The following DLG2 variants were observed in gnomAD, a reference collection of about 807,000 sequenced individuals.
The protein encoded by DLG2 is disks large homolog 2.
A neutral mutation model predicts 132.5 loss-of-function variants in DLG2; 45 were observed. The observed-to-expected ratio is 0.34, with a 90% CI of 0.27 to 0.44. The LOEUF (loss-of-function observed/expected upper bound fraction) is 0.44. Among genes scored for constraint, DLG2 ranks in the 20% least tolerant of loss-of-function variants. The probability of loss-of-function intolerance (pLI) is 1.00; values close to 1 mark genes in which losing one functional copy is unlikely to be tolerated. For synonymous variants in DLG2, 424 were observed against 419.6 expected (o/e 1.01, Z -0.13); for missense variants, 1,045 against 1,196.9 (o/e 0.87, Z 1.87).
At chr11:84,085,059 G>A (rs1287230413) in intron 10 of DLG2, among the ~76,000 whole-genome samples, 1 of 152,152 alleles carries the variant, frequency 6.6e-6, no homozygotes, top group Non-Finnish European at 1.5e-5. Context: ...TGTGACAGTA[G>A]CTCTAACATC....
At chr11:84,744,899 A>T (rs1338639668) in intron 6 of DLG2, among the ~76,000 whole-genome samples, 6 of 97,824 alleles carry the variant, frequency 6.1e-5, no homozygotes, top group Non-Finnish European at 1.1e-4. Context: ...GTAAAGGTCT[A>T]AAAAAAAAAA....
intron 7 of DLG2, 103 bp downstream of exon 7, chr11:84,534,467 G>T: frequency 8.2e-7 from 1 of 1,225,712 alleles, no homozygotes; most frequent in Non-Finnish European, 1.2e-6. Context: ...CCTCTATCAT[G>T]TTTTAAAAGA....
chr11:84,107,007 T>TGAGA (rs1308992798), intron 9 of DLG2, among the ~76,000 whole-genome samples: 57 of 30,262 alleles, frequency 1.9e-3, no homozygotes, highest in Middle Eastern at 0.036. Flanking sequence ...TGTGTGTGTG[T>TGAGA]GTGTGTGAGA....
At chr11:84,727,104 G>A (rs1412622868) in intron 6 of DLG2, among the ~76,000 whole-genome samples, 2 of 152,184 alleles carry the variant, frequency 1.3e-5, no homozygotes, top group Non-Finnish European at 2.9e-5. Flanking sequence ...AGATTAATTA[G>A]ATCCTGTTTG....
At chr11:84,792,627 A>T (rs2074021703) in intron 6 of DLG2, among the ~76,000 whole-genome samples, 2 of 151,982 alleles carry the variant, frequency 1.3e-5, no homozygotes, top group South Asian at 4.2e-4. Context: ...CAGGTTTTGG[A>T]TTTCTTAATA....
chr11:84,492,079 TAG>T (rs1184476357), intron 7 of DLG2, among the ~76,000 whole-genome samples: 1 of 152,118 alleles, frequency 6.6e-6, no homozygotes, highest in Non-Finnish European at 1.5e-5. Context: ...ATTTATAAAA[TAG>T]AGTGTTGATT....
Position 85,256,602 on chromosome 11 carries a change from G to A in DLG2, c.186+28618C>T, listed in dbSNP as rs117855627. Among the ~76,000 whole-genome samples the A allele has an allele frequency of 5.1e-4, 78 of 152,110 alleles. No homozygotes were observed. The East Asian group carries it at 0.014, about 27-fold the overall frequency. On this transcript the variant is annotated intron_variant, in intron 4 of 27. Transcript: ENST00000376104. ...CACCCCTAGACACTACCATGGGGCCGGAGCCCAAAATGCTCACCCTAGCTC... is the reference window on the plus strand; with the variant it reads ...CACCCCTAGACACTACCATGGGGCCAGAGCCCAAAATGCTCACCCTAGCTC...
intron 3 of DLG2, among the ~76,000 whole-genome samples, chr11:85,503,192 C>A (rs573714813): frequency 6.6e-6 from 1 of 152,170 alleles, no homozygotes; most frequent in African/African-American, 2.4e-5. Flanking sequence ...TTACACTGTA[C>A]CATTATATTT....
At chr11:84,649,347 G>A (rs1322115034) in intron 6 of DLG2, among the ~76,000 whole-genome samples, 3 of 152,108 alleles carry the variant, frequency 2.0e-5, no homozygotes, top group African/African-American at 4.8e-5. Flanking sequence ...AATGAACTAT[G>A]ATACTCAGCA....
chr11:83,724,988 G>A (rs1198519172), intron 18 of DLG2: 7 of 694,120 alleles, frequency 1.0e-5, no homozygotes, highest in African/African-American at 1.8e-5. Flanking sequence ...ACCTCCTGAC[G>A]CTCTTGAGTG....
At chr11:84,507,158 T>C (rs189753048) in intron 7 of DLG2, among the ~76,000 whole-genome samples, 53 of 152,310 alleles carry the variant, frequency 3.5e-4, no homozygotes, top group African/African-American at 1.1e-3. Flanking sequence ...TGAATATTCA[T>C]AGAGCACTGT....
At chr11:84,233,886 G>A (rs1286669215) in intron 8 of DLG2, among the ~76,000 whole-genome samples, 1 of 152,176 alleles carries the variant, frequency 6.6e-6, no homozygotes, top group African/African-American at 2.4e-5. Context: ...CAGACAACAA[G>A]GCCGTTTCAC....
At chr11:84,939,412 TTTTAC>T (rs1374718468) in intron 6 of DLG2, among the ~76,000 whole-genome samples, 1 of 149,214 alleles carries the variant, frequency 6.7e-6, no homozygotes, top group Non-Finnish European at 1.5e-5. Flanking sequence ...AACATTCCAA[TTTTAC>T]TTTTAGTTAT....
At chr11:84,242,175 G>A (rs779001087) in intron 8 of DLG2, among the ~76,000 whole-genome samples, 2 of 152,102 alleles carry the variant, frequency 1.3e-5, no homozygotes, top group Non-Finnish European at 2.9e-5. Flanking sequence ...TTGGACAACC[G>A]TTTTATTTTC....
At chr11:85,271,335 G>T (rs1040068086) in intron 4 of DLG2, among the ~76,000 whole-genome samples, 1 of 152,242 alleles carries the variant, frequency 6.6e-6, no homozygotes, top group Non-Finnish European at 1.5e-5. Context: ...GGAAACATCT[G>T]AATGCCCAGG....
chr11:84,833,599 A>G (rs2079319151), intron 6 of DLG2, among the ~76,000 whole-genome samples: 1 of 151,146 alleles, frequency 6.6e-6, no homozygotes, highest in Admixed American at 6.6e-5. Context: ...AAAAGGAACT[A>G]TCAGCACCAT....
chr11:84,731,237 CT>C (rs2063115470), intron 6 of DLG2, among the ~76,000 whole-genome samples: 1 of 152,036 alleles, frequency 6.6e-6, no homozygotes, highest in Admixed American at 6.6e-5. Flanking sequence ...AGCACATTAA[CT>C]TTATCTCCCC....
At chr11:84,315,624 C>A (rs900964480) in intron 7 of DLG2, among the ~76,000 whole-genome samples, 10 of 152,216 alleles carry the variant, frequency 6.6e-5, no homozygotes, top group African/African-American at 2.4e-4. Context: ...ATGTCAACTT[C>A]TATTTTAAGC....
At chr11:85,499,749 T>C (rs553913978) in intron 3 of DLG2, among the ~76,000 whole-genome samples, 1 of 152,280 alleles carries the variant, frequency 6.6e-6, no homozygotes, top group East Asian at 1.9e-4. Context: ...CTATCCACCA[T>C]GATCACGTCT....
Sources: gnomAD v4.1 joint callset for allele counts (sites outside exome capture counted in the v4.1 genomes callset) on GRCh38, gnomAD v4.1.1 for gene constraint, MANE v1.5 for transcripts, NCBI Gene and HGNC (gene_info 2026-07-23, HGNC 2026-07-21) for gene names.